The following TRABD2B variants were observed in gnomAD, a reference collection of about 807,000 sequenced individuals.
TRABD2B encodes the protein TraB domain containing 2B.
TRABD2B carries 14 observed loss-of-function variants against 40.1 expected under a neutral mutation model. The ratio of observed to expected loss-of-function variants is 0.35; its 90% CI spans 0.23 to 0.55. The LOEUF is 0.55. Among genes scored for constraint, TRABD2B ranks in the 20% least tolerant of loss-of-function variants. TRABD2B has a pLI of 0.90. For missense variants in TRABD2B, 541 were observed against 648.6 expected (o/e 0.83, Z 1.80); for synonymous variants, 263 against 277.0 (o/e 0.95, Z 0.50).
chr1:47,956,305 C>T (rs149061640), intron 2 of TRABD2B, among the ~76,000 whole-genome samples: 3,636 of 152,244 alleles, frequency 0.024, 111 homozygotes, highest in Admixed American at 0.09. Flanking sequence ...ACGCAGAAGA[C>T]GGGTGATTTC....
intron 2 of TRABD2B, among the ~76,000 whole-genome samples, chr1:47,982,879 C>T (rs1645860535): frequency 6.6e-6 from 1 of 152,170 alleles, no homozygotes; most frequent in Non-Finnish European, 1.5e-5. Flanking sequence ...ATCAAAAAGC[C>T]TCCCCACAAA....
chr1:47,894,303 G>A (rs184292724), intron 2 of TRABD2B, among the ~76,000 whole-genome samples: 2 of 152,288 alleles, frequency 1.3e-5, no homozygotes, highest in Non-Finnish European at 2.9e-5. Context: ...TCTCTGTAAT[G>A]GAGATATAAT....
At chr1:47,989,138 C>A (rs1243661074) in intron 2 of TRABD2B, among the ~76,000 whole-genome samples, 1 of 152,182 alleles carries the variant, frequency 6.6e-6, no homozygotes, top group Admixed American at 6.5e-5. Context: ...TCCGCTGGTA[C>A]CTTGATCTTG....
chr1:47,812,754 G>A (rs903976432), intron 2 of TRABD2B, among the ~76,000 whole-genome samples: 5 of 152,270 alleles, frequency 3.3e-5, no homozygotes, highest in East Asian at 1.9e-4. Context: ...AAAAGAAAGT[G>A]TTAACTGCAG....
At chr1:47,781,987 AT>A (rs1644530551) in intron 4 of TRABD2B, among the ~76,000 whole-genome samples, 2 of 152,138 alleles carry the variant, frequency 1.3e-5, no homozygotes, top group Non-Finnish European at 1.5e-5. Context: ...TGCCCAGTCA[AT>A]GTGGGAGCCC....
chr1:47,855,970 G>T (rs1643885716), intron 2 of TRABD2B, among the ~76,000 whole-genome samples: 1 of 152,238 alleles, frequency 6.6e-6, no homozygotes, highest in African/African-American at 2.4e-5. Context: ...GTGGATGAGG[G>T]CGCTTGCAGA....
intron 6 of TRABD2B, among the ~76,000 whole-genome samples, chr1:47,770,554 A>G (rs535832517): frequency 6.6e-6 from 1 of 152,260 alleles, no homozygotes; most frequent in Admixed American, 6.5e-5. Flanking sequence ...TGTCCCTCAG[A>G]TGGGAAACTG....
chr1:47,836,213 G>A (rs968854911), intron 2 of TRABD2B, among the ~76,000 whole-genome samples: 3 of 152,232 alleles, frequency 2.0e-5, no homozygotes, highest in African/African-American at 7.2e-5. Context: ...CCTTGGGCAA[G>A]TAATGCCCCA....
intron 2 of TRABD2B, among the ~76,000 whole-genome samples, chr1:47,825,807 G>A (rs963716097): frequency 1.3e-5 from 2 of 151,770 alleles, no homozygotes; most frequent in Non-Finnish European, 2.9e-5. Flanking sequence ...GGAAGGGAAA[G>A]CAACTCCCTG....
chr1:47,962,695 T>A (rs903090253), intron 2 of TRABD2B, among the ~76,000 whole-genome samples: 1 of 152,246 alleles, frequency 6.6e-6, no homozygotes, highest in Non-Finnish European at 1.5e-5. Flanking sequence ...ATGAGGAAAC[T>A]GAGGCACTGG....
At chr1:47,820,900 G>A (rs529037047) in intron 2 of TRABD2B, among the ~76,000 whole-genome samples, 2 of 152,220 alleles carry the variant, frequency 1.3e-5, no homozygotes, top group African/African-American at 2.4e-5. Flanking sequence ...ACGGCTCAGA[G>A]AGGCTGAACA....
chr1:47,889,517 A>T (rs1388677628), intron 2 of TRABD2B, among the ~76,000 whole-genome samples: 1 of 152,182 alleles, frequency 6.6e-6, no homozygotes, highest in African/African-American at 2.4e-5. Flanking sequence ...AAGACCTTGG[A>T]AGTGACTCAA....
chr1:47,890,943 G>T (rs1644436548), intron 2 of TRABD2B, among the ~76,000 whole-genome samples: 1 of 152,184 alleles, frequency 6.6e-6, no homozygotes, highest in African/African-American at 2.4e-5. Flanking sequence ...GTTTGGTATG[G>T]AGTCTGGAGG....
At chr1:47,965,204 GGGGGGGTGGA>G in intron 2 of TRABD2B, among the ~76,000 whole-genome samples, 1 of 113,224 alleles carries the variant, frequency 8.8e-6, no homozygotes, top group African/African-American at 3.3e-5. Context: ...CGGGGGGCGG[GGGGGGGTGGA>G]GGGGGGGGTG....
chr1:47,775,925 C>G (rs1485935753), intron 5 of TRABD2B, among the ~76,000 whole-genome samples: 2 of 152,024 alleles, frequency 1.3e-5, no homozygotes, highest in Non-Finnish European at 2.9e-5. Context: ...GGAGCGAGCC[C>G]TGGGTACGTC....
At chr1:47,945,088 C>T (rs1463885998) in intron 2 of TRABD2B, among the ~76,000 whole-genome samples, 2 of 152,096 alleles carry the variant, frequency 1.3e-5, no homozygotes, top group East Asian at 1.9e-4. Flanking sequence ...GTGTATGCCA[C>T]GGGACTGATT....
At chr1:47,943,252 C>T (rs12125780) in intron 2 of TRABD2B, among the ~76,000 whole-genome samples, 30,471 of 152,072 alleles carry the variant, frequency 0.2, 3,470 homozygotes, top group Admixed American at 0.26. Flanking sequence ...ATTTTTGGCA[C>T]GAAATTTCAC....
chr1:47,793,459 T>C (rs911125904), intron 4 of TRABD2B, among the ~76,000 whole-genome samples: 3 of 152,196 alleles, frequency 2.0e-5, no homozygotes, highest in African/African-American at 4.8e-5. Context: ...GTTCAAACAG[T>C]GGACATATCC....
At chr1:47,980,192 A>T (rs1288826231) in intron 2 of TRABD2B, among the ~76,000 whole-genome samples, 1 of 152,022 alleles carries the variant, frequency 6.6e-6, no homozygotes. Context: ...TATTCCTTCA[A>T]TCCGGATCAA....
Sources: gnomAD v4.1 joint callset for allele counts (sites outside exome capture counted in the v4.1 genomes callset) on GRCh38, gnomAD v4.1.1 for gene constraint, MANE v1.5 for transcripts, NCBI Gene and HGNC (gene_info 2026-07-23, HGNC 2026-07-21) for gene names.